The following JAK1 variants were observed in gnomAD, a reference collection of about 807,000 sequenced individuals.
The protein encoded by JAK1 is Janus kinase 1, also known as tyrosine-protein kinase JAK1.
JAK1 carries 16 observed loss-of-function variants against 136.6 expected under a neutral mutation model. The ratio of observed to expected loss-of-function variants is 0.12; its 90% CI spans 0.08 to 0.18. The LOEUF is 0.18. Ranked by LOEUF, JAK1 falls within the 10% of genes least tolerant of loss-of-function variation. The pLI is 1.00. For missense variants in JAK1, 859 were observed against 1,450.1 expected (o/e 0.59, Z 6.62); for synonymous variants, 492 against 519.5 (o/e 0.95, Z 0.72).
intron 1 of JAK1, among the ~76,000 whole-genome samples, chr1:64,902,473 C>G (rs1453785837): frequency 6.6e-6 from 1 of 151,642 alleles, no homozygotes; most frequent in African/African-American, 2.4e-5. Context: ...TGAAAAACCC[C>G]TATGTACTAT....
At position 64,834,452 on chromosome 1, in the gene JAK1, T is replaced by C. The variant is rs980982387; in HGVS notation, c.*110A>G. 4 of 721,282 alleles carry C rather than the reference T, an allele frequency of 5.5e-6. No homozygotes were observed. The highest frequency in any genetic ancestry group is 9.7e-6 in the Non-Finnish European group (4 of 413,088). The allele number at this position is 721,282 out of a possible 1,614,324, so 44.7% of individuals were successfully genotyped here. On this transcript the variant is annotated 3_prime_UTR_variant, in exon 25 of 25. Transcript: ENST00000342505. ...ACTGAAGTATGAGTTCAGTGACTTT[T>C]TGGACAGAACACAAACTTCTTTCAT... is the stretch of plus-strand genomic sequence containing the variant.
chr1:64,957,764 G>A (rs12408934), intron 1 of JAK1, among the ~76,000 whole-genome samples: 9,143 of 151,906 alleles, frequency 0.06, 352 homozygotes, highest in Non-Finnish European at 0.092. Context: ...CTAACATGGT[G>A]AAACCCCGTC....
At chr1:64,961,066 G>T (rs1049958058) in intron 1 of JAK1, among the ~76,000 whole-genome samples, 2 of 152,166 alleles carry the variant, frequency 1.3e-5, no homozygotes, top group Non-Finnish European at 2.9e-5. Flanking sequence ...GCTTGCCTCT[G>T]AGAACATGTC....
intron 11 of JAK1, among the ~76,000 whole-genome samples, chr1:64,852,627 C>T (rs528593952): frequency 3.2e-4 from 49 of 152,312 alleles, no homozygotes; most frequent in African/African-American, 8.9e-4. Context: ...CGGATGGAAC[C>T]GAAGCCATTT....
chr1:65,004,976 A>G (rs970491721), intron 2 of JAK1, among the ~76,000 whole-genome samples: 1 of 152,224 alleles, frequency 6.6e-6, no homozygotes, highest in African/African-American at 2.4e-5. Flanking sequence ...GCTAAATAGA[A>G]TCTGCTAATT....
chr1:65,010,212 A>C (rs1646837043), intron 2 of JAK1, among the ~76,000 whole-genome samples: 1 of 152,140 alleles, frequency 6.6e-6, no homozygotes, highest in Non-Finnish European at 1.5e-5. Flanking sequence ...GGATAGAATA[A>C]AGCAAAAGTG....
chr1:64,913,236 G>T (rs1265197858), intron 1 of JAK1, among the ~76,000 whole-genome samples: 1 of 152,042 alleles, frequency 6.6e-6, no homozygotes, highest in East Asian at 1.9e-4. Context: ...TATTGCCCAG[G>T]CTGGGGTGTC....
chr1:65,003,838 A>G (rs1224018622), intron 2 of JAK1: 1 of 152,270 alleles, frequency 6.6e-6, no homozygotes, highest in Non-Finnish European at 1.5e-5. Context: ...GAAAACAGCA[A>G]TCCCCAAATG....
chr1:65,009,259 G>T (rs1025008423), intron 2 of JAK1, among the ~76,000 whole-genome samples: 1 of 152,148 alleles, frequency 6.6e-6, no homozygotes, highest in African/African-American at 2.4e-5. Context: ...GATATGCATA[G>T]TTTGATTCCA....
chr1:64,876,726 A>G (rs922897011), intron 4 of JAK1, among the ~76,000 whole-genome samples: 1 of 152,304 alleles, frequency 6.6e-6, no homozygotes, highest in Admixed American at 6.5e-5. Flanking sequence ...AATGGAAAAA[A>G]AATTAAAAAT....
intron 1 of JAK1, among the ~76,000 whole-genome samples, chr1:64,922,852 C>T (rs1469760509): frequency 1.3e-5 from 2 of 152,168 alleles, no homozygotes; most frequent in Admixed American, 1.3e-4. Flanking sequence ...GGCTCTGCCA[C>T]TTATGAGCTC....
rs1044636348 is a variant in JAK1, at chr1:64,844,390, C to G, written c.2252-175G>C. On this transcript the variant is annotated intron_variant, in intron 16 of 24. Transcript: ENST00000342505. The surrounding 1 kb of genome is among the most constrained non-coding windows in gnomAD (Gnocchi z 5.7). The stretch of plus-strand genomic sequence containing the variant: ...GGGGGCCTGCAGGCGTGCAGCCCTC[C>G]AAGCCACCACCAGCACTTCTGATAC... Among the ~76,000 whole-genome samples the G allele has an allele frequency of 6.6e-6, 1 of 152,222 alleles. No homozygotes were observed. The highest frequency in any genetic ancestry group is 2.1e-4 in the South Asian group (1 of 4,838).
At chr1:64,857,614 T>A in intron 10 of JAK1, 42 bp downstream of exon 10, 1 of 1,611,864 alleles carries the variant, frequency 6.2e-7, no homozygotes, top group Non-Finnish European at 8.5e-7. Context: ...ACTGGACACC[T>A]CATGGCTGTA....
chr1:65,043,790 G>A (rs939365109), intron 2 of JAK1, among the ~76,000 whole-genome samples: 1 of 143,740 alleles, frequency 7.0e-6, no homozygotes, highest in South Asian at 2.2e-4. Context: ...TGGCACAATC[G>A]CAGCTCACTG....
At chr1:64,893,014 G>C (rs1644962689) in intron 1 of JAK1, among the ~76,000 whole-genome samples, 1 of 152,158 alleles carries the variant, frequency 6.6e-6, no homozygotes, top group African/African-American at 2.4e-5. Context: ...AGAACCATGG[G>C]AGTCAAAAAC....
intron 14 of JAK1, 34 bp from the exon 15 acceptor site, chr1:64,845,674 G>T (rs1225668468): frequency 6.2e-7 from 1 of 1,613,702 alleles, no homozygotes; most frequent in Non-Finnish European, 8.5e-7. Flanking sequence ...TCTGGAACCT[G>T]GTCTGTGGCA....
intron 1 of JAK1, among the ~76,000 whole-genome samples, chr1:64,933,781 G>A (rs1236074714): frequency 6.6e-6 from 1 of 152,148 alleles, no homozygotes. Context: ...CAATCTATTT[G>A]CCTCACCAAG....
intron 23 of JAK1, 25 bp from the exon 24 acceptor site, chr1:64,835,531 A>C: frequency 7.4e-7 from 1 of 1,352,594 alleles, no homozygotes; most frequent in South Asian, 1.3e-5. Flanking sequence ...ATCAAACAAA[A>C]CGTTTAACTT....
Position 64,833,233 on chromosome 1 carries a change from G to GTCTT in JAK1, c.*1325_*1328dup, listed in dbSNP as rs752728893. ...ATATTAAAAGGCATATGCATGTAAA[G>GTCTT]TCTTTAGTATATTTATTTGTATAAA... On this transcript the variant is annotated 3_prime_UTR_variant, in exon 25 of 25. Transcript: ENST00000342505. 9.5e-5 allele frequency: 21 copies of GTCTT among 220,878 alleles called. 1 individual carries two copies. Among genetic ancestry groups the GTCTT allele is most frequent in the African/African-American group, 3.1e-4 (14 of 44,508 alleles). 13.7% of individuals were successfully genotyped at this position (220,878 alleles called of 1,614,324 possible). A position where few individuals can be genotyped will look rare whatever the true frequency, so the allele number is the denominator to read the frequency against.
Sources: allele counts gnomAD v4.1 joint callset (sites outside exome capture counted in the v4.1 genomes callset), GRCh38; gene constraint gnomAD v4.1.1; non-coding constraint Gnocchi (gnomAD v3.1); transcripts MANE v1.5; gene names NCBI Gene and HGNC (gene_info 2026-07-23, HGNC 2026-07-21).